LCORL: variants seen among roughly 807,000 people sequenced by gnomAD.
LCORL encodes the protein ligand-dependent nuclear receptor corepressor-like protein.
Under a neutral mutation model 141.8 loss-of-function variants are expected in LCORL, and 41 were observed. That is an observed-to-expected ratio of 0.29 (90% CI 0.23 to 0.38). The LOEUF is 0.38. Among genes scored for constraint, LCORL ranks in the 10% least tolerant of loss-of-function variants. LCORL has a pLI of 1.00. For synonymous variants in LCORL, 618 were observed against 694.1 expected, an observed-to-expected ratio of 0.89 and a Z score of 1.72; for missense variants, 1,759 against 2,035.0, an observed-to-expected ratio of 0.86 and a Z score of 2.61.
At chr4:17,846,047 T>G (rs1722892584) in intron 7 of LCORL, 146 bp from the exon 8 acceptor site, 1 of 637,154 alleles carries the variant, frequency 1.6e-6, no homozygotes, top group Non-Finnish European at 2.7e-6. Flanking sequence ...ACAACAGTTT[T>G]CTCTCCCGCC....
intron 6 of LCORL, among the ~76,000 whole-genome samples, chr4:17,879,317 A>G (rs1400714981): frequency 1.3e-5 from 2 of 151,132 alleles, no homozygotes; most frequent in African/African-American, 4.8e-5. Context: ...TATAAAAATT[A>G]TGTTATTTGA....
chr4:17,925,115 C>G (rs1242700696), intron 4 of LCORL, among the ~76,000 whole-genome samples: 1 of 152,138 alleles, frequency 6.6e-6, no homozygotes, highest in African/African-American at 2.4e-5. Context: ...CACAATTATT[C>G]CATGAAACTG....
At chr4:18,002,581 G>T (rs1722149823) in intron 1 of LCORL, among the ~76,000 whole-genome samples, 1 of 151,952 alleles carries the variant, frequency 6.6e-6, no homozygotes, top group African/African-American at 2.4e-5. Flanking sequence ...TGTGTAATTT[G>T]GGTTTATTCA....
chr4:17,890,805 C>A (rs1032110086), intron 5 of LCORL, among the ~76,000 whole-genome samples: 7 of 150,194 alleles, frequency 4.7e-5, no homozygotes, highest in Admixed American at 2.7e-4. Flanking sequence ...TGGGCAATTT[C>A]TTGAATACTG....
chr4:17,940,097 T>G (rs904909524), intron 4 of LCORL, among the ~76,000 whole-genome samples: 2 of 147,856 alleles, frequency 1.4e-5, no homozygotes, highest in Non-Finnish European at 3.0e-5. Context: ...TATACATATA[T>G]AGGTAGATAT....
intron 4 of LCORL, among the ~76,000 whole-genome samples, chr4:17,925,687 T>C (rs1295991003): frequency 2.0e-5 from 3 of 151,858 alleles, no homozygotes; most frequent in Non-Finnish European, 4.4e-5. Flanking sequence ...CTGGCTAACA[T>C]GGTGAAACCC....
intron 6 of LCORL, chr4:17,880,526 G>C: frequency 1.0e-6 from 1 of 957,276 alleles, no homozygotes; most frequent in Non-Finnish European, 1.2e-6. Flanking sequence ...TATTTCTTCA[G>C]AAAAAGTAAA....
At chr4:17,972,647 A>T (rs1338024393) in intron 2 of LCORL, among the ~76,000 whole-genome samples, 173 bp downstream of exon 2, 2 of 151,658 alleles carry the variant, frequency 1.3e-5, no homozygotes, top group African/African-American at 2.4e-5. Context: ...AAAATTTTTT[A>T]AAAATATGGT....
At chr4:17,975,562 A>G (rs1560428602) in intron 1 of LCORL, among the ~76,000 whole-genome samples, 1 of 151,856 alleles carries the variant, frequency 6.6e-6, no homozygotes, top group Non-Finnish European at 1.5e-5. Flanking sequence ...ACGCCCGGCT[A>G]TTTTTGTATT....
intron 1 of LCORL, among the ~76,000 whole-genome samples, chr4:17,976,437 G>C (rs1716989778): frequency 1.3e-5 from 2 of 151,926 alleles, no homozygotes; most frequent in East Asian, 1.9e-4. Flanking sequence ...AGTTTTTTTA[G>C]GGCTTGTCCT....
At chr4:17,944,068 A>G (rs1366913049) in intron 4 of LCORL, among the ~76,000 whole-genome samples, 1 of 152,146 alleles carries the variant, frequency 6.6e-6, no homozygotes, top group African/African-American at 2.4e-5. Flanking sequence ...GCCACTGTCC[A>G]TAGTTTTTTG....
At chr4:17,929,339 G>C (rs1251801143) in intron 4 of LCORL, among the ~76,000 whole-genome samples, 4 of 152,066 alleles carry the variant, frequency 2.6e-5, no homozygotes, top group Admixed American at 1.3e-4. Flanking sequence ...TCTCGAAAGA[G>C]AACAAAATCG....
At chr4:17,917,385 G>T (rs778969849) in intron 4 of LCORL, among the ~76,000 whole-genome samples, 1 of 152,160 alleles carries the variant, frequency 6.6e-6, no homozygotes, top group Non-Finnish European at 1.5e-5. Flanking sequence ...TAGAGATGGG[G>T]TTTTGCCATG....
chr4:17,873,292 C>G, intron 7 of LCORL, 96 bp downstream of exon 7: 1 of 802,942 alleles, frequency 1.2e-6, no homozygotes, highest in Admixed American at 4.3e-5. Context: ...ATTTTGGAAA[C>G]TAATTAAAAC....
intron 7 of LCORL, among the ~76,000 whole-genome samples, chr4:17,871,358 C>T (rs1726316537): frequency 6.6e-6 from 1 of 151,746 alleles, no homozygotes; most frequent in Non-Finnish European, 1.5e-5. Context: ...AGATCAAAAA[C>T]AGCTCTTCAA....
At chr4:17,929,696 G>A (rs1040511256) in intron 4 of LCORL, among the ~76,000 whole-genome samples, 10 of 151,996 alleles carry the variant, frequency 6.6e-5, no homozygotes, top group African/African-American at 1.7e-4. Context: ...TCATGACCTT[G>A]GATTAGGCTA....
At chr4:18,001,841 TAAAAC>T (rs1292585520) in intron 1 of LCORL, among the ~76,000 whole-genome samples, 1 of 152,190 alleles carries the variant, frequency 6.6e-6, no homozygotes, top group African/African-American at 2.4e-5. Flanking sequence ...TTCATTAAAA[TAAAAC>T]AAATTTTTTT....
At chr4:17,930,349 C>G (rs990384024) in intron 4 of LCORL, among the ~76,000 whole-genome samples, 4 of 152,148 alleles carry the variant, frequency 2.6e-5, no homozygotes, top group African/African-American at 9.7e-5. Flanking sequence ...CACACAAACA[C>G]GAAGTAGAGT....
chr4:17,878,714 G>T (rs575547118), intron 6 of LCORL, among the ~76,000 whole-genome samples: 41 of 151,424 alleles, frequency 2.7e-4, no homozygotes, highest in African/African-American at 9.4e-4. Context: ...AAGGGATTTA[G>T]ATTTTATGTA....
Sources: gnomAD v4.1 joint callset for allele counts (sites outside exome capture counted in the v4.1 genomes callset) on GRCh38, gnomAD v4.1.1 for gene constraint, MANE v1.5 for transcripts, NCBI Gene and HGNC (gene_info 2026-07-23, HGNC 2026-07-21) for gene names.